The following GSG1L variants were observed in gnomAD, a reference collection of about 807,000 sequenced individuals.
GSG1L encodes the protein GSG1 like.
A neutral mutation model predicts 42.1 loss-of-function variants in GSG1L; 24 were observed. The ratio of observed to expected loss-of-function variants is 0.57; its 90% CI spans 0.41 to 0.80. The LOEUF is 0.80. Among genes scored for constraint, GSG1L ranks in the 30% least tolerant of loss-of-function variants. GSG1L has a pLI of 0.00. For missense variants in GSG1L, 445 were observed against 472.2 expected (o/e 0.94, Z 0.53); for synonymous variants, 215 against 203.5 (o/e 1.06, Z -0.48).
intron 1 of GSG1L, among the ~76,000 whole-genome samples, chr16:28,021,480 T>G (rs926006831): frequency 5.3e-5 from 8 of 152,202 alleles, no homozygotes; most frequent in African/African-American, 1.9e-4. Context: ...TCCCTCTAAC[T>G]GAGTGCCTAC....
intron 2 of GSG1L, among the ~76,000 whole-genome samples, chr16:27,930,082 A>C (rs952562710): frequency 6.6e-6 from 1 of 151,902 alleles, no homozygotes; most frequent in Non-Finnish European, 1.5e-5. Flanking sequence ...TGGCACTTAC[A>C]TGCCTCTGGG....
At position 27,815,357 on chromosome 16, in the gene GSG1L, G is replaced by A. The variant is rs1445813703; in HGVS notation, c.831-7803C>T. Among the ~76,000 whole-genome samples, 6 of 152,172 alleles carry A rather than the reference G, an allele frequency of 3.9e-5. No homozygotes were observed. The South Asian group carries it at 1.0e-3, about 26-fold the overall frequency. On this transcript the variant is annotated intron_variant, in intron 5 of 6. Transcript: ENST00000447459. ...CTCATTGTGTGATGTACCTGCTCCCGTTCTATCATAAGTAAAAGCTTCCTG... is the reference window on the plus strand; with the variant it reads ...CTCATTGTGTGATGTACCTGCTCCCATTCTATCATAAGTAAAAGCTTCCTG...
intron 2 of GSG1L, among the ~76,000 whole-genome samples, chr16:27,918,528 G>A (rs1054740539): frequency 1.6e-4 from 24 of 152,022 alleles, no homozygotes; most frequent in African/African-American, 4.1e-4. Flanking sequence ...GCATGGTGGC[G>A]GGCGCCTGTG....
intron 3 of GSG1L, among the ~76,000 whole-genome samples, chr16:27,848,994 G>T (rs1459294183): frequency 5.9e-5 from 9 of 151,982 alleles, no homozygotes; most frequent in African/African-American, 2.2e-4. Context: ...TCAGGGGTTC[G>T]AAACCAGCCT....
intron 1 of GSG1L, among the ~76,000 whole-genome samples, chr16:27,996,591 G>A (rs1416351172): frequency 6.6e-6 from 1 of 152,060 alleles, no homozygotes; most frequent in African/African-American, 2.4e-5. Context: ...CCTCACTGAA[G>A]TTTGAGACCC....
rs539534805 is a variant in GSG1L, at chr16:27,849,527, AGTTT to A, written c.551-4470_551-4467del. Among the ~76,000 whole-genome samples the A allele has an allele frequency of 8.8e-4, 134 of 151,912 alleles. 1 individual carries two copies. The highest frequency in any genetic ancestry group is 3.1e-3 in the African/African-American group (130 of 41,426). Reference sequence around the variant, plus strand: ...TTGCTGGCAGCTCTGAGGTATGTTTAGTTTGTTTGTTTACTTTTGTTTTGTTTTG... The same window carrying A: ...TTGCTGGCAGCTCTGAGGTATGTTTAGTTTGTTTACTTTTGTTTTGTTTTG... On this transcript the variant is annotated intron_variant, in intron 3 of 6. Coordinates refer to ENST00000447459, the MANE Select transcript of GSG1L (RefSeq NM_001109763.2).
intron 2 of GSG1L, among the ~76,000 whole-genome samples, chr16:27,939,739 G>A (rs566341242): frequency 7.9e-5 from 12 of 152,314 alleles, no homozygotes; most frequent in Admixed American, 5.2e-4. Context: ...CTGGGGGACC[G>A]AGGAAGGGAT....
At chr16:27,805,975 G>A (rs2082957018) in intron 6 of GSG1L, among the ~76,000 whole-genome samples, 1 of 151,920 alleles carries the variant, frequency 6.6e-6, no homozygotes, top group African/African-American at 2.4e-5. Flanking sequence ...ATTCTGCAGG[G>A]AGCCTGGGGA....
rs568864667 is a variant in GSG1L, at chr16:27,911,266, G to GCTCGCTCTCTCTCTCTCTCTCT, written c.398-26629_398-26628insAGAGAGAGAGAGAGAGAGCGAG. ...TCTCTAGCCTCATCACCTCTCTCTC[G>GCTCGCTCTCTCTCTCTCTCTCT]CTCTCTCTCTCTCTCTCTCTCTCTC... On this transcript the variant is annotated intron_variant, in intron 2 of 6. Coordinates refer to ENST00000447459, the MANE Select transcript of GSG1L (RefSeq NM_001109763.2). Among the ~76,000 whole-genome samples the GCTCGCTCTCTCTCTCTCTCTCT allele has an allele frequency of 1.3e-3, 161 of 122,134 alleles. 1 individual carries two copies. Among genetic ancestry groups the GCTCGCTCTCTCTCTCTCTCTCT allele is most frequent in the African/African-American group, 5.3e-3 (152 of 28,618 alleles). The allele number at this position is 122,134 out of a possible 152,430, so 80.1% of individuals were successfully genotyped here.
intron 1 of GSG1L, among the ~76,000 whole-genome samples, chr16:27,967,294 G>A (rs548765973): frequency 6.6e-6 from 1 of 152,348 alleles, no homozygotes; most frequent in Admixed American, 6.5e-5. Context: ...GGTGGGAGAT[G>A]AGTCTGAGAA....
intron 1 of GSG1L, among the ~76,000 whole-genome samples, chr16:28,036,728 A>T (rs1432500217): frequency 1.3e-5 from 2 of 152,154 alleles, no homozygotes; most frequent in Non-Finnish European, 2.9e-5. Context: ...GCTTGTTTCT[A>T]TAAGGGCCTC....
At chr16:27,881,512 T>C (rs1172951318) in intron 3 of GSG1L, among the ~76,000 whole-genome samples, 1 of 152,056 alleles carries the variant, frequency 6.6e-6, no homozygotes, top group Admixed American at 6.6e-5. Flanking sequence ...AGTGCTGGGA[T>C]TACAGGCATG....
chr16:28,061,835 G>C (rs1444790314), intron 1 of GSG1L, among the ~76,000 whole-genome samples: 3 of 152,220 alleles, frequency 2.0e-5, no homozygotes, highest in African/African-American at 7.2e-5. Flanking sequence ...GAGAGTCCCA[G>C]TGAAAGGAGC....
chr16:27,956,251 A>G (rs1332528831), intron 2 of GSG1L, among the ~76,000 whole-genome samples: 2 of 152,224 alleles, frequency 1.3e-5, no homozygotes, highest in Non-Finnish European at 2.9e-5. Flanking sequence ...AGAGGAAGCA[A>G]TAATAGACCA....
At chr16:27,798,142 G>A (rs1030692470) in intron 6 of GSG1L, among the ~76,000 whole-genome samples, 3 of 152,164 alleles carry the variant, frequency 2.0e-5, no homozygotes, top group African/African-American at 7.2e-5. Context: ...ATACATCCAT[G>A]TAACAAACCT....
chr16:27,847,836 G>A (rs543953749), intron 3 of GSG1L, among the ~76,000 whole-genome samples: 4 of 152,300 alleles, frequency 2.6e-5, no homozygotes, highest in African/African-American at 9.6e-5. Flanking sequence ...TTCGCCCTCT[G>A]CTGTGATTGT....
In GSG1L at chr16:27,888,446, TTCTTTCTTTCTTTCTTTCTCTC is replaced by T. The variant is rs1233087506; in HGVS notation, c.398-3830_398-3809del. The stretch of plus-strand genomic sequence containing the variant: ...TTTCTTTCTTTCTTTCTTTCTTTCT[TTCTTTCTTTCTTTCTTTCTCTC>T]TCTCTCTCTCTTTCCTTTCTTTCTT... On this transcript the variant is annotated intron_variant, in intron 2 of 6. Transcript: ENST00000447459. Among the ~76,000 whole-genome samples, 7 of 35,478 alleles carry T rather than the reference TTCTTTCTTTCTTTCTTTCTCTC, an allele frequency of 2.0e-4. 1 individual carries two copies. The highest frequency in any genetic ancestry group is 3.7e-4 in the Non-Finnish European group (5 of 13,616). 23.3% of individuals were successfully genotyped at this position (35,478 alleles called of 152,430 possible). A position where few individuals can be genotyped will look rare whatever the true frequency, so the allele number is the denominator to read the frequency against.
intron 4 of GSG1L, among the ~76,000 whole-genome samples, chr16:27,835,495 A>G (rs970130722): frequency 1.3e-5 from 2 of 152,022 alleles, no homozygotes; most frequent in Non-Finnish European, 2.9e-5. Context: ...AACCATTTAC[A>G]TTTAAAGTGA....
At chr16:27,830,760 G>T (rs2083266454) in intron 4 of GSG1L, among the ~76,000 whole-genome samples, 1 of 152,232 alleles carries the variant, frequency 6.6e-6, no homozygotes, top group South Asian at 2.1e-4. Flanking sequence ...CAACAAAGCT[G>T]AAGATTCTAC....
Sources: allele counts gnomAD v4.1 joint callset (sites outside exome capture counted in the v4.1 genomes callset), GRCh38; gene constraint gnomAD v4.1.1; transcripts MANE v1.5; gene names NCBI Gene and HGNC (gene_info 2026-07-23, HGNC 2026-07-21).